The following KCNH7 variants were observed in gnomAD, a reference collection of about 807,000 sequenced individuals.
The protein encoded by KCNH7 is voltage-gated inwardly rectifying potassium channel KCNH7.
In KCNH7, 49 loss-of-function variants were observed where a neutral mutation model predicts 120.8. The ratio of observed to expected loss-of-function variants is 0.41; its 90% CI spans 0.32 to 0.51. The LOEUF is 0.51. KCNH7 is among the 20% of genes least tolerant of loss of function. KCNH7 has a pLI of 0.38. For synonymous variants in KCNH7, 547 were observed against 516.1 expected, an observed-to-expected ratio of 1.06 and a Z score of -0.81; for missense variants, 1,097 against 1,446.6, an observed-to-expected ratio of 0.76 and a Z score of 3.92.
intron 2 of KCNH7, among the ~76,000 whole-genome samples, chr2:162,709,876 G>A (rs758956073): frequency 6.6e-6 from 1 of 152,098 alleles, no homozygotes; most frequent in Non-Finnish European, 1.5e-5. Context: ...AGACTGCCCA[G>A]TATGTACCAT....
At chr2:162,678,973 G>A (rs767936923) in intron 2 of KCNH7, among the ~76,000 whole-genome samples, 28 of 151,576 alleles carry the variant, frequency 1.8e-4, no homozygotes, top group Non-Finnish European at 3.2e-4. Context: ...TGCCTTTGCA[G>A]GATATTTGAA....
intron 2 of KCNH7, among the ~76,000 whole-genome samples, chr2:162,543,231 C>T (rs1406366391): frequency 6.6e-6 from 1 of 152,054 alleles, no homozygotes; most frequent in African/African-American, 2.4e-5. Context: ...TCTGATAATA[C>T]ATTAGGTCTA....
At position 162,473,902 on chromosome 2, in the gene KCNH7, T is replaced by A. The variant is rs184780847; in HGVS notation, c.1129-27459A>T. Reference sequence around the variant, plus strand: ...ACTCTCTGAATTGAGTTTTTATGAATAAATGAAAGCTCTTCAGATAAAGAC... The same window carrying A: ...ACTCTCTGAATTGAGTTTTTATGAAAAAATGAAAGCTCTTCAGATAAAGAC... On this transcript the variant is annotated intron_variant, in intron 6 of 15. Coordinates refer to ENST00000332142, the MANE Select transcript of KCNH7 (RefSeq NM_033272.4). Among the ~76,000 whole-genome samples, 348 of 152,310 alleles carry A rather than the reference T, an allele frequency of 2.3e-3. 1 individual carries two copies. The highest frequency in any genetic ancestry group is 8.1e-3 in the African/African-American group (335 of 41,574).
At chr2:162,658,732 A>G (rs1432900320) in intron 2 of KCNH7, among the ~76,000 whole-genome samples, 1 of 152,144 alleles carries the variant, frequency 6.6e-6, no homozygotes, top group Non-Finnish European at 1.5e-5. Flanking sequence ...TTGTGGTGTT[A>G]ATGTAATTAG....
Position 162,659,092 on chromosome 2 carries a change from G to A in KCNH7, c.308-122012C>T, listed in dbSNP as rs148138861. On this transcript the variant is annotated intron_variant, in intron 2 of 15. Coordinates refer to ENST00000332142, the MANE Select transcript of KCNH7 (RefSeq NM_033272.4). ...TAGTTTCTTGAAATTAAGTATAATG[G>A]CAGCTTTAGATAATTTTAGATGTTC... is the stretch of plus-strand genomic sequence containing the variant. 8.8e-3 allele frequency among the ~76,000 whole-genome samples: 1,344 copies of A among 152,246 alleles called. 9 individuals carry two copies. Among genetic ancestry groups the A allele is most frequent in the Middle Eastern group, 0.027 (8 of 294 alleles).
intron 2 of KCNH7, among the ~76,000 whole-genome samples, chr2:162,607,905 T>G (rs1282112233): frequency 6.6e-6 from 1 of 152,192 alleles, no homozygotes; most frequent in Non-Finnish European, 1.5e-5. Flanking sequence ...TCAGCTAGCT[T>G]GAAGATACAA....
chr2:162,612,044 T>C (rs1273834158), intron 2 of KCNH7, among the ~76,000 whole-genome samples: 1 of 152,178 alleles, frequency 6.6e-6, no homozygotes, highest in African/African-American at 2.4e-5. Context: ...AGCATTATGG[T>C]ATATCAAATA....
Position 162,803,275 on chromosome 2 carries a change from T to C in KCNH7, c.307+33262A>G, listed in dbSNP as rs149984236. On this transcript the variant is annotated intron_variant, in intron 2 of 15. Transcript: ENST00000332142. ...AGTGAGGAATTAACTTTGATTAAAC[T>C]AGCAATAGACAAAAGAAAAAGTATT... 1.6e-3 allele frequency among the ~76,000 whole-genome samples: 249 copies of C among 151,914 alleles called. 1 individual carries two copies. Among genetic ancestry groups the C allele is most frequent in the African/African-American group, 5.8e-3 (240 of 41,536 alleles).
intron 13 of KCNH7, among the ~76,000 whole-genome samples, chr2:162,382,147 T>C (rs1332946620): frequency 1.3e-5 from 2 of 152,088 alleles, no homozygotes; most frequent in Non-Finnish European, 2.9e-5. Flanking sequence ...ATATAATAAA[T>C]TGGTTTTTAA....
intron 2 of KCNH7, among the ~76,000 whole-genome samples, chr2:162,800,905 A>G (rs1684317630): frequency 6.6e-6 from 1 of 151,890 alleles, no homozygotes; most frequent in Non-Finnish European, 1.5e-5. Context: ...GTCAAGGGGT[A>G]GTATTTAGAA....
At chr2:162,671,663 T>G (rs1382931692) in intron 2 of KCNH7, among the ~76,000 whole-genome samples, 1 of 151,968 alleles carries the variant, frequency 6.6e-6, no homozygotes. Flanking sequence ...TTCACCACTA[T>G]GCAATATATC....
chr2:162,506,452 G>T (rs1195169322), intron 5 of KCNH7, among the ~76,000 whole-genome samples: 1 of 151,634 alleles, frequency 6.6e-6, no homozygotes, highest in Admixed American at 6.6e-5. Context: ...AATTATGCTA[G>T]GATTTCAGAT....
intron 2 of KCNH7, among the ~76,000 whole-genome samples, chr2:162,594,299 T>G (rs1014944529): frequency 4.6e-5 from 7 of 152,042 alleles, no homozygotes; most frequent in Non-Finnish European, 8.8e-5. Flanking sequence ...TTTGTCAGTC[T>G]CTTTCTCTCT....
chr2:162,631,028 A>G (rs1472738335), intron 2 of KCNH7, among the ~76,000 whole-genome samples: 2 of 152,122 alleles, frequency 1.3e-5, no homozygotes, highest in Non-Finnish European at 2.9e-5. Flanking sequence ...GTGAAAGACC[A>G]CTACTAGGTT....
chr2:162,612,351 T>A (rs1682997074), intron 2 of KCNH7, among the ~76,000 whole-genome samples: 1 of 152,144 alleles, frequency 6.6e-6, no homozygotes, highest in Non-Finnish European at 1.5e-5. Context: ...AAAGGTGGAC[T>A]TGAAAAAACA....
intron 7 of KCNH7, among the ~76,000 whole-genome samples, chr2:162,442,067 A>G (rs1688438742): frequency 8.8e-6 from 1 of 113,110 alleles, no homozygotes; most frequent in African/African-American, 3.3e-5. Context: ...CCCAGGCTGG[A>G]GTGCAGTGGT....
chr2:162,384,519 A>G (rs1686517591), intron 13 of KCNH7, among the ~76,000 whole-genome samples, 169 bp downstream of exon 13: 1 of 151,996 alleles, frequency 6.6e-6, no homozygotes, highest in Non-Finnish European at 1.5e-5. Context: ...TTGTTTTAGA[A>G]TAGTGCAAAC....
At chr2:162,773,752 C>T (rs1206750795) in intron 2 of KCNH7, among the ~76,000 whole-genome samples, 1 of 152,030 alleles carries the variant, frequency 6.6e-6, no homozygotes, top group Non-Finnish European at 1.5e-5. Flanking sequence ...GCAGTGTTAT[C>T]AAAAAACAGT....
At chr2:162,667,244 C>T (rs1328305505) in intron 2 of KCNH7, among the ~76,000 whole-genome samples, 2 of 152,066 alleles carry the variant, frequency 1.3e-5, no homozygotes, top group Non-Finnish European at 2.9e-5. Flanking sequence ...TATTCTCAAA[C>T]TCCTGGATTC....
Sources: gnomAD v4.1 joint callset for allele counts (sites outside exome capture counted in the v4.1 genomes callset) on GRCh38, gnomAD v4.1.1 for gene constraint, MANE v1.5 for transcripts, NCBI Gene and HGNC (gene_info 2026-07-23, HGNC 2026-07-21) for gene names.